Variants in GALNT17 observed in about 807,000 individuals in gnomAD.
The protein encoded by GALNT17 is UDP-GalNAc:polypeptide N-acetylgalactosaminyltransferase-like 3.
In GALNT17, 29 loss-of-function variants were observed where a neutral mutation model predicts 63.7. The ratio of observed to expected loss-of-function variants is 0.46; its 90% CI spans 0.34 to 0.62. The LOEUF (loss-of-function observed/expected upper bound fraction) is 0.62, where lower values mean the gene tolerates loss of function less well. GALNT17 is among the 20% of genes least tolerant of loss of function. GALNT17 has a pLI of 0.01. For missense variants in GALNT17, 603 were observed against 799.6 expected (o/e 0.75, Z 2.97); for synonymous variants, 305 against 318.3 (o/e 0.96, Z 0.45).
intron 2 of GALNT17, among the ~76,000 whole-genome samples, chr7:71,352,515 T>C (rs907991773): frequency 1.3e-5 from 2 of 152,222 alleles, no homozygotes; most frequent in African/African-American, 4.8e-5. Context: ...GAGGGCTCTT[T>C]AAGAATTCTA....
chr7:71,477,666 G>A (rs1447088520), intron 5 of GALNT17, among the ~76,000 whole-genome samples: 2 of 152,088 alleles, frequency 1.3e-5, no homozygotes, highest in Non-Finnish European at 2.9e-5. Flanking sequence ...TCCGGCCTGG[G>A]CAACAGGCCA....
chr7:71,186,586 C>T (rs952959954), intron 1 of GALNT17, among the ~76,000 whole-genome samples: 2 of 152,138 alleles, frequency 1.3e-5, no homozygotes, highest in African/African-American at 2.4e-5. Flanking sequence ...ATCCTGAGTC[C>T]CTCCTCCCAG....
intron 6 of GALNT17, among the ~76,000 whole-genome samples, chr7:71,574,019 C>T (rs1235648149): frequency 6.6e-6 from 1 of 152,174 alleles, no homozygotes; most frequent in Non-Finnish European, 1.5e-5. Context: ...TGCAGTATTC[C>T]ATTGCGTACA....
intron 1 of GALNT17, among the ~76,000 whole-genome samples, chr7:71,210,334 G>A (rs986039110): frequency 1.2e-4 from 18 of 151,996 alleles, no homozygotes; most frequent in Non-Finnish European, 2.2e-4. Flanking sequence ...CAGCCAAACC[G>A]GATCATTGCC....
At chr7:71,685,948 A>ATTTTTTTTTTTTT (rs3062958) in intron 9 of GALNT17, among the ~76,000 whole-genome samples, 1 of 59,806 alleles carries the variant, frequency 1.7e-5, no homozygotes, top group African/African-American at 6.9e-5. Context: ...GGCAATTACT[A>ATTTTTTTTTTTTT]TTTTTTTTTT....
At chr7:71,253,604 C>T (rs1790239770) in intron 1 of GALNT17, among the ~76,000 whole-genome samples, 1 of 151,812 alleles carries the variant, frequency 6.6e-6, no homozygotes, top group Admixed American at 6.6e-5. Context: ...TTGGAAAAAC[C>T]ATGAATCACT....
At chr7:71,519,159 G>A (rs1488456717) in intron 5 of GALNT17, among the ~76,000 whole-genome samples, 1 of 152,130 alleles carries the variant, frequency 6.6e-6, no homozygotes, top group Non-Finnish European at 1.5e-5. Context: ...TCTGGAACTG[G>A]GCTCAGCAGT....
intron 9 of GALNT17, among the ~76,000 whole-genome samples, chr7:71,698,037 T>C (rs1005119828): frequency 8.7e-5 from 13 of 149,924 alleles, no homozygotes; most frequent in African/African-American, 2.7e-4. Context: ...GCAGGAGAAT[T>C]GCTTGAATCT....
chr7:71,596,260 A>T (rs542980609), intron 6 of GALNT17, among the ~76,000 whole-genome samples: 1 of 151,656 alleles, frequency 6.6e-6, no homozygotes, highest in Non-Finnish European at 1.5e-5. Context: ...GGCTGGTCTC[A>T]AACTCCTGAC....
intron 1 of GALNT17, among the ~76,000 whole-genome samples, chr7:71,313,237 T>G (rs1791441963): frequency 6.6e-6 from 1 of 152,244 alleles, no homozygotes; most frequent in Non-Finnish European, 1.5e-5. Context: ...TCTATTGACC[T>G]TTCAATTCTC....
chr7:71,436,644 G>A (rs919010457), intron 5 of GALNT17, among the ~76,000 whole-genome samples: 5 of 151,894 alleles, frequency 3.3e-5, no homozygotes, highest in South Asian at 2.1e-4. Context: ...GTGTGAACCC[G>A]GGAGGCAGAG....
intron 5 of GALNT17, among the ~76,000 whole-genome samples, chr7:71,481,392 G>A (rs1787814738): frequency 6.6e-6 from 1 of 152,170 alleles, no homozygotes. Flanking sequence ...CAGAGCTGCA[G>A]TGAGCGGAGA....
At chr7:71,156,518 TA>T (rs1464368903) in intron 1 of GALNT17, among the ~76,000 whole-genome samples, 2 of 151,782 alleles carry the variant, frequency 1.3e-5, no homozygotes, top group African/African-American at 4.9e-5. Flanking sequence ...AATACATCTG[TA>T]AAAATGTTGA....
intron 3 of GALNT17, among the ~76,000 whole-genome samples, chr7:71,405,145 C>G (rs777105118): frequency 6.6e-6 from 1 of 152,178 alleles, no homozygotes; most frequent in Non-Finnish European, 1.5e-5. Context: ...GGAGCCAGCT[C>G]TCAGGACAAG....
intron 6 of GALNT17, among the ~76,000 whole-genome samples, chr7:71,588,310 A>G (rs1445316958): frequency 6.6e-6 from 1 of 152,238 alleles, no homozygotes; most frequent in East Asian, 1.9e-4. Flanking sequence ...CAATATATAA[A>G]TAATAGTTTC....
At chr7:71,304,754 CTTT>C (rs549137032) in intron 1 of GALNT17, among the ~76,000 whole-genome samples, 1 of 145,252 alleles carries the variant, frequency 6.9e-6, no homozygotes, top group Non-Finnish European at 1.5e-5. Context: ...TTTCTTTTTT[CTTT>C]TTTTTTTTTG....
chr7:71,444,899 G>C (rs1787132721), intron 5 of GALNT17, among the ~76,000 whole-genome samples: 1 of 152,200 alleles, frequency 6.6e-6, no homozygotes, highest in Non-Finnish European at 1.5e-5. Flanking sequence ...ATTAACAAAT[G>C]ACTCTCCAGG....
intron 1 of GALNT17, among the ~76,000 whole-genome samples, chr7:71,137,119 G>A (rs1337783031): frequency 6.9e-6 from 1 of 145,500 alleles, no homozygotes; most frequent in African/African-American, 2.5e-5. Flanking sequence ...GCCTTTTAAG[G>A]GCTGGAATCA....
intron 6 of GALNT17, among the ~76,000 whole-genome samples, chr7:71,652,925 C>T (rs779467847): frequency 7.2e-5 from 11 of 152,274 alleles, no homozygotes; most frequent in Admixed American, 3.3e-4. Flanking sequence ...TATTGCAGGG[C>T]GCCCAGCAAG....
Sources: allele counts gnomAD v4.1 joint callset (sites outside exome capture counted in the v4.1 genomes callset), GRCh38; gene constraint gnomAD v4.1.1; transcripts MANE v1.5; gene names NCBI Gene and HGNC (gene_info 2026-07-23, HGNC 2026-07-21).